B3GALT5: variants seen among roughly 807,000 people sequenced by gnomAD.
B3GALT5 encodes the protein beta-1,3-galactosyltransferase 5, also known as UDP-Gal:betaGlcNAc beta 1,3-galactosyltransferase, polypeptide 5.
For missense variants in B3GALT5, 328 were observed against 396.6 expected (o/e 0.83, Z 1.47); for synonymous variants, 156 against 158.6 (o/e 0.98, Z 0.12).
At chr21:39,640,047 C>T (rs914593189) in intron 1 of B3GALT5, among the ~76,000 whole-genome samples, 5 of 145,604 alleles carry the variant, frequency 3.4e-5, no homozygotes, top group African/African-American at 1.3e-4. Context: ...ACCTGAAGCT[C>T]CTGTAGTTGC....
Position 39,664,133 on chromosome 21 carries a change from G to A in B3GALT5, c.*2641G>A, listed in dbSNP as rs1465596911. Reference sequence around the variant, plus strand: ...AAACTGAGGCAGAGAGAGAGAGGGTGAACAACTCATTCAAGGTTACATAGG... The same window carrying A: ...AAACTGAGGCAGAGAGAGAGAGGGTAAACAACTCATTCAAGGTTACATAGG... On this transcript the variant is annotated 3_prime_UTR_variant, in exon 4 of 4. Transcript: ENST00000684187. The A allele has an allele frequency of 1.3e-5, 2 of 152,356 alleles. No homozygotes were observed. Among genetic ancestry groups the A allele is most frequent in the Non-Finnish European group, 2.9e-5 (2 of 68,156 alleles). 9.4% of individuals were successfully genotyped at this position (152,356 alleles called of 1,614,324 possible). A position where few individuals can be genotyped will look rare whatever the true frequency, so the allele number is the denominator to read the frequency against.
chr21:39,630,735 T>C (rs549824930), intron 1 of B3GALT5, among the ~76,000 whole-genome samples: 2 of 152,206 alleles, frequency 1.3e-5, no homozygotes, highest in Non-Finnish European at 2.9e-5. Flanking sequence ...CTGAGAGTGG[T>C]GACCAGAAGA....
intron 1 of B3GALT5, among the ~76,000 whole-genome samples, chr21:39,623,817 T>C (rs188690107): frequency 1.3e-5 from 2 of 152,370 alleles, no homozygotes; most frequent in African/African-American, 4.8e-5. Context: ...CCAGTTTTGA[T>C]TTGAGATCTC....
rs369325448 is a variant in B3GALT5, at chr21:39,657,788, A to G, written c.-160-1965A>G. 393 of 1,094,206 alleles carry G rather than the reference A, an allele frequency of 3.6e-4. 5 individuals are homozygous for G. In the South Asian group the frequency reaches 0.016, roughly 45 times the overall value. The allele number at this position is 1,094,206 out of a possible 1,614,324, so 67.8% of individuals were successfully genotyped here. On this transcript the variant is annotated intron_variant, in intron 2 of 3. Transcript: ENST00000684187. ...CCTGTTGATTCGATCTCTCTAGAGA[A>G]CCCTGACTAATACACCTGGAGTGCA...
rs77711045 is a variant in B3GALT5, at chr21:39,656,765, G to A, written c.-160-2988G>A. Reference sequence around the variant, plus strand: ...CCTGGCCTGGGGAGAGTCCCAGGACGCTGCACGTGCCTGTGCGGGTAGGAT... The same window carrying A: ...CCTGGCCTGGGGAGAGTCCCAGGACACTGCACGTGCCTGTGCGGGTAGGAT... On this transcript the variant is annotated intron_variant, in intron 2 of 3. Coordinates refer to ENST00000684187, the MANE Select transcript of B3GALT5 (RefSeq NM_001356336.2). Among the ~76,000 whole-genome samples the A allele has an allele frequency of 4.2e-4, 64 of 152,330 alleles. No homozygotes were observed. The Middle Eastern group carries it at 0.014, about 32-fold the overall frequency.
rs757107680 is a variant in B3GALT5, at chr21:39,661,350, C to T, written c.791C>T (p.Pro264Leu). The change falls in exon 4 of 4, where the codon CCG becomes CTG. Residue 264 changes from proline (P) to leucine (L), a missense_variant. Transcript: ENST00000684187. The surrounding 1 kb of genome is among the most constrained non-coding windows in gnomAD (Gnocchi z 4.7). ...AGATTGGAGGAGCTCCACTCCCAGC[C>T]GACCTTTTTTCCAGGGGGCTTACGC... ...NIRLEELHSQ[P>L]TFFPGGLRFS... 4.0e-5 allele frequency: 64 copies of T among 1,611,518 alleles called. No homozygotes were observed. The highest frequency in any genetic ancestry group is 5.0e-5 in the Non-Finnish European group (59 of 1,179,034).
At chr21:39,639,332 T>C (rs937014143) in intron 1 of B3GALT5, among the ~76,000 whole-genome samples, 3 of 122,166 alleles carry the variant, frequency 2.5e-5, no homozygotes, top group African/African-American at 9.6e-5. Context: ...CTTTCTTTCT[T>C]TCTTTCTTTC....
chr21:39,672,398 T>A lies in B3GALT5; in HGVS notation c.*10906T>A, dbSNP rs2079637718. On this transcript the variant is annotated 3_prime_UTR_variant, in exon 4 of 4. Transcript: ENST00000684187. ...AATGCAACCAGAGGAGACTTCGCAG[T>A]CAAATTTTGCTTTTCCTAAAAGACA... The A allele has an allele frequency of 6.6e-6, 1 of 152,256 alleles. No homozygotes were observed. The highest frequency in any genetic ancestry group is 2.4e-5 in the African/African-American group (1 of 41,476). 9.4% of individuals were successfully genotyped at this position (152,256 alleles called of 1,614,324 possible). A position where few individuals can be genotyped will look rare whatever the true frequency, so the allele number is the denominator to read the frequency against.
In B3GALT5 at chr21:39,661,092, G is replaced by A. The variant is rs780385319; in HGVS notation, c.533G>A (p.Arg178Lys). The stretch of plus-strand genomic sequence containing the variant: ...CTTCTGAAGAAAAACAGAACAACCA[G>A]GTTTTTCACTGGCTTCTTGAAACTC... ...ELLLKKNRTTRFFTGFLKLNE... is the reference protein window; with the variant it reads ...ELLLKKNRTTKFFTGFLKLNE... Residue 178 changes from arginine to lysine, a missense_variant, in exon 4 of 4, where the codon AGG becomes AAG. By Grantham distance (26) the Arg-to-Lys change is conservative. Coordinates refer to ENST00000684187, the MANE Select transcript of B3GALT5 (RefSeq NM_001356336.2). The surrounding 1 kb of genome is among the most constrained non-coding windows in gnomAD (Gnocchi z 4.7). The A allele has an allele frequency of 3.7e-6, 6 of 1,614,034 alleles. No homozygotes were observed. The East Asian group carries it at 1.1e-4, about 30-fold the overall frequency.
At chr21:39,642,912 C>T (rs991790143) in intron 1 of B3GALT5, among the ~76,000 whole-genome samples, 3 of 150,498 alleles carry the variant, frequency 2.0e-5, no homozygotes, top group African/African-American at 7.3e-5. Flanking sequence ...GAAAGCTGGG[C>T]ATGGTGGTGT....
chr21:39,639,352 TTCC>T (rs1569212203), intron 1 of B3GALT5, among the ~76,000 whole-genome samples: 143 of 110,752 alleles, frequency 1.3e-3, no homozygotes, highest in African/African-American at 3.8e-3. Flanking sequence ...CTTTCTTTCC[TTCC>T]TTCCTTCCTT....
rs1258534857 is a variant in B3GALT5, at chr21:39,666,737, A to T, written c.*5245A>T. 1 of 152,286 alleles carries T rather than the reference A, an allele frequency of 6.6e-6. No homozygotes were observed. Among genetic ancestry groups the T allele is most frequent in the Non-Finnish European group, 1.5e-5 (1 of 68,082 alleles). The allele number at this position is 152,286 out of a possible 1,614,324, so 9.4% of individuals were successfully genotyped here. On this transcript the variant is annotated 3_prime_UTR_variant, in exon 4 of 4. Coordinates refer to ENST00000684187, the MANE Select transcript of B3GALT5 (RefSeq NM_001356336.2). The stretch of plus-strand genomic sequence containing the variant: ...GTATTTAATTCCTGCTCCTCTTCAA[A>T]CACACCATTGTAACCACATAATACA...
intron 1 of B3GALT5, among the ~76,000 whole-genome samples, chr21:39,628,888 T>G (rs887573316): frequency 6.6e-6 from 1 of 152,258 alleles, no homozygotes; most frequent in Admixed American, 6.5e-5. Flanking sequence ...TCCATTCTTA[T>G]TTTTAGAGAA....
Position 39,665,736 on chromosome 21 carries a change from C to T in B3GALT5, c.*4244C>T, listed in dbSNP as rs2079572095. On this transcript the variant is annotated 3_prime_UTR_variant, in exon 4 of 4. Coordinates refer to ENST00000684187, the MANE Select transcript of B3GALT5 (RefSeq NM_001356336.2). ...CTCAGTGAGGCCTACCCTGACCTCC[C>T]TGTAGGAAAATGCAACTCACCTCAC... 1 of 152,234 alleles carries T rather than the reference C, an allele frequency of 6.6e-6. No homozygotes were observed. The highest frequency in any genetic ancestry group is 2.4e-5 in the African/African-American group (1 of 41,456). 9.4% of individuals were successfully genotyped at this position (152,234 alleles called of 1,614,324 possible). A position where few individuals can be genotyped will look rare whatever the true frequency, so the allele number is the denominator to read the frequency against.
chr21:39,617,786 G>A (rs1022602930), intron 1 of B3GALT5, among the ~76,000 whole-genome samples: 6 of 152,108 alleles, frequency 3.9e-5, no homozygotes, highest in East Asian at 1.9e-4. Context: ...TAGTGTTAGC[G>A]TAGTTTATGT....
intron 1 of B3GALT5, among the ~76,000 whole-genome samples, chr21:39,636,414 A>C (rs2079227872): frequency 1.3e-5 from 2 of 152,160 alleles, no homozygotes; most frequent in South Asian, 4.1e-4. Context: ...AGGAGAAGCC[A>C]GGGAGGGATC....
At chr21:39,633,875 C>G (rs1358832685) in intron 1 of B3GALT5, among the ~76,000 whole-genome samples, 3 of 152,140 alleles carry the variant, frequency 2.0e-5, no homozygotes, top group Admixed American at 2.0e-4. Context: ...GAAACGGAGG[C>G]TTAGTGGTTT....
rs2079638495 is a variant in B3GALT5, at chr21:39,672,465, T to G, written c.*10973T>G. ...TGTCACTGAATGCTATTTGAAACTG[T>G]CATTTCCTTGTATATTAGGGGGATC... On this transcript the variant is annotated 3_prime_UTR_variant, in exon 4 of 4. Coordinates refer to ENST00000684187, the MANE Select transcript of B3GALT5 (RefSeq NM_001356336.2). 6.6e-6 allele frequency: 1 copy of G among 152,386 alleles called. No individual in the cohort carries two copies. The highest frequency in any genetic ancestry group is 2.1e-4 in the South Asian group (1 of 4,826). 9.4% of individuals were successfully genotyped at this position (152,386 alleles called of 1,614,324 possible). A position where few individuals can be genotyped will look rare whatever the true frequency, so the allele number is the denominator to read the frequency against.
intron 2 of B3GALT5, among the ~76,000 whole-genome samples, chr21:39,656,006 C>T (rs532305412): frequency 9.9e-5 from 15 of 152,250 alleles, no homozygotes; most frequent in Admixed American, 7.2e-4. Context: ...TGTTACTGGT[C>T]GGGTCTGTAC....
Sources: gnomAD v4.1 joint callset for allele counts (sites outside exome capture counted in the v4.1 genomes callset) on GRCh38, gnomAD v4.1.1 for gene constraint, Gnocchi (gnomAD v3.1) non-coding constraint, MANE v1.5 for transcripts, NCBI Gene and HGNC (gene_info 2026-07-23, HGNC 2026-07-21) for gene names.